The following SHROOM3 variants were observed in gnomAD, a reference collection of about 807,000 sequenced individuals.
The protein encoded by SHROOM3 is protein Shroom3.
SHROOM3 carries 47 observed loss-of-function variants against 138.6 expected under a neutral mutation model. The ratio of observed to expected loss-of-function variants is 0.34; its 90% confidence interval spans 0.27 to 0.43. SHROOM3 has a LOEUF of 0.43. Ranked by LOEUF, SHROOM3 falls within the 20% of genes least tolerant of loss-of-function variation. The pLI, the probability that SHROOM3 is intolerant of heterozygous loss-of-function variation, is 1.00. For synonymous variants in SHROOM3, 1,062 were observed against 1,063.3 expected (o/e 1.00, Z 0.02); for missense variants, 2,491 against 2,596.5 (o/e 0.96, Z 0.88).
At chr4:76,549,589 G>A (rs1184969072) in intron 1 of SHROOM3, among the ~76,000 whole-genome samples, 6 of 152,158 alleles carry the variant, frequency 3.9e-5, no homozygotes, top group East Asian at 3.9e-4. Context: ...GGCTGGTCTC[G>A]AACTCCTGAC....
At chr4:76,705,126 T>C (rs924869864) in intron 2 of SHROOM3, among the ~76,000 whole-genome samples, 1 of 151,988 alleles carries the variant, frequency 6.6e-6, no homozygotes, top group Non-Finnish European at 1.5e-5. Flanking sequence ...GAACCCTTTC[T>C]TTTGTATTGG....
At chr4:76,755,299 T>C in intron 7 of SHROOM3, 107 bp downstream of exon 7, 1 of 1,321,472 alleles carries the variant, frequency 7.6e-7, no homozygotes, top group Non-Finnish European at 1.1e-6. Context: ...ATGGAGATGT[T>C]TCTATACAGC....
At chr4:76,584,295 C>T (rs966861333) in intron 2 of SHROOM3, among the ~76,000 whole-genome samples, 4 of 150,488 alleles carry the variant, frequency 2.7e-5, no homozygotes, top group Admixed American at 6.6e-5. Context: ...TCCAGCCTGG[C>T]GACAGAGCAA....
intron 1 of SHROOM3, among the ~76,000 whole-genome samples, chr4:76,522,541 C>G (rs993726376): frequency 6.6e-6 from 1 of 152,058 alleles, no homozygotes; most frequent in African/African-American, 2.4e-5. Context: ...CACCTGTAGT[C>G]CCAGCACTTT....
chr4:76,749,995 A>C (rs1045101008), intron 6 of SHROOM3, among the ~76,000 whole-genome samples: 2 of 152,158 alleles, frequency 1.3e-5, no homozygotes, highest in Admixed American at 1.3e-4. Context: ...CATTTCATTC[A>C]ATCATTGTTT....
chr4:76,678,697 G>T (rs982805452), intron 2 of SHROOM3, among the ~76,000 whole-genome samples: 2 of 152,138 alleles, frequency 1.3e-5, no homozygotes, highest in Non-Finnish European at 2.9e-5. Flanking sequence ...TCTTGCTTTT[G>T]TTCCTCAGGC....
At chr4:76,674,076 G>A (rs1037026268) in intron 2 of SHROOM3, among the ~76,000 whole-genome samples, 3 of 151,892 alleles carry the variant, frequency 2.0e-5, no homozygotes, top group African/African-American at 7.3e-5. Context: ...GTCTTGCTAT[G>A]TTGACCAGGC....
At chr4:76,463,521 C>T (rs980698421) in intron 1 of SHROOM3, among the ~76,000 whole-genome samples, 1 of 152,176 alleles carries the variant, frequency 6.6e-6, no homozygotes, top group African/African-American at 2.4e-5. Context: ...GAATTCAAGC[C>T]AGCTATGGAA....
At chr4:76,616,277 C>G (rs1560566186) in intron 2 of SHROOM3, among the ~76,000 whole-genome samples, 1 of 152,138 alleles carries the variant, frequency 6.6e-6, no homozygotes, top group Non-Finnish European at 1.5e-5. Context: ...CATGCATTTC[C>G]TGCCTCCTGG....
At chr4:76,446,588 A>G (rs1730810541) in intron 1 of SHROOM3, among the ~76,000 whole-genome samples, 1 of 152,036 alleles carries the variant, frequency 6.6e-6, no homozygotes, top group Non-Finnish European at 1.5e-5. Flanking sequence ...AAAAACCTCA[A>G]CCCCCAAGGC....
chr4:76,730,791 T>G lies in SHROOM3; in HGVS notation c.456-13T>G. On this transcript the variant is annotated splice_polypyrimidine_tract_variant and intron_variant, in intron 3 of 10. Transcript: ENST00000296043. The stretch of plus-strand genomic sequence containing the variant: ...TTGGCTAATGTTGGGGGGTCCCTCC[T>G]GTGTCTCCCCAGGCGCAGTGAGCCT... The G allele has an allele frequency of 6.2e-7, 1 of 1,613,856 alleles. No homozygotes were observed. Among genetic ancestry groups the G allele is most frequent in the East Asian group, 2.2e-5 (1 of 44,858 alleles).
intron 6 of SHROOM3, among the ~76,000 whole-genome samples, chr4:76,753,419 A>T (rs1166358684): frequency 6.6e-6 from 1 of 152,154 alleles, no homozygotes; most frequent in African/African-American, 2.4e-5. Flanking sequence ...GAGGAGTCAG[A>T]TCTGTGAGAT....
intron 2 of SHROOM3, among the ~76,000 whole-genome samples, chr4:76,620,028 G>C (rs1023775192): frequency 1.5e-5 from 2 of 131,988 alleles, no homozygotes; most frequent in Non-Finnish European, 3.1e-5. Flanking sequence ...CCAAGATGAT[G>C]CCACAGCACT....
intron 5 of SHROOM3, among the ~76,000 whole-genome samples, chr4:76,746,611 AT>A (rs1222929824): frequency 6.6e-6 from 1 of 152,006 alleles, no homozygotes; most frequent in Non-Finnish European, 1.5e-5. Context: ...ACATGACTGT[AT>A]TTTTCACATC....
At chr4:76,763,571 G>GA (rs920344588) in intron 9 of SHROOM3, among the ~76,000 whole-genome samples, 6 of 150,306 alleles carry the variant, frequency 4.0e-5, no homozygotes, top group Middle Eastern at 3.4e-3. Flanking sequence ...TCTCAAAAAA[G>GA]AAAAAAAAAT....
rs112785165 is a variant in SHROOM3 at position 76,472,765 on chromosome 4, G to C, written c.168+36545G>C. Among the ~76,000 whole-genome samples, 890 of 151,912 alleles carry C rather than the reference G, an allele frequency of 5.9e-3. 7 individuals are homozygous for C. Among genetic ancestry groups the C allele is most frequent in the East Asian group, 0.041 (214 of 5,170 alleles). On this transcript the variant is annotated intron_variant, in intron 1 of 10. Coordinates refer to ENST00000296043, the MANE Select transcript of SHROOM3 (RefSeq NM_020859.4). ...GCTGGAGTGCAGTGGCGTGATCTCAGCTCACTGCAACCTCCGTGTCCTGGG... is the reference window on the plus strand; with the variant it reads ...GCTGGAGTGCAGTGGCGTGATCTCACCTCACTGCAACCTCCGTGTCCTGGG...
chr4:76,469,246 G>A (rs1313314635), intron 1 of SHROOM3, among the ~76,000 whole-genome samples: 1 of 151,970 alleles, frequency 6.6e-6, no homozygotes, highest in African/African-American at 2.4e-5. Flanking sequence ...TTAAAATTAA[G>A]GAAATTTTGG....
At chr4:76,441,982 A>G (rs1730700729) in intron 1 of SHROOM3, among the ~76,000 whole-genome samples, 1 of 152,170 alleles carries the variant, frequency 6.6e-6, no homozygotes, top group East Asian at 1.9e-4. Context: ...TCGGCCTCCC[A>G]AAATTCCGAG....
chr4:76,472,887 G>A (rs1731407276), intron 1 of SHROOM3, among the ~76,000 whole-genome samples: 1 of 152,106 alleles, frequency 6.6e-6, no homozygotes, highest in Admixed American at 6.6e-5. Flanking sequence ...TAGAGACGGA[G>A]TTTCACCATA....
Sources: allele counts gnomAD v4.1 joint callset (sites outside exome capture counted in the v4.1 genomes callset), GRCh38; gene constraint gnomAD v4.1.1; transcripts MANE v1.5; gene names NCBI Gene and HGNC (gene_info 2026-07-23, HGNC 2026-07-21).